The following DLG2 variants were observed in gnomAD, a reference collection of about 807,000 sequenced individuals.
DLG2 encodes discs large MAGUK scaffold protein 2, also known as disks large homolog 2.
Under a neutral mutation model 132.5 loss-of-function variants are expected in DLG2, and 45 were observed. The observed-to-expected ratio is 0.34, with a 90% CI of 0.27 to 0.44. The LOEUF (loss-of-function observed/expected upper bound fraction) is 0.44. DLG2 is among the 20% of genes least tolerant of loss of function. The pLI, the probability that DLG2 is intolerant of heterozygous loss-of-function variation, is 1.00. For synonymous variants in DLG2, 424 were observed against 419.6 expected (o/e 1.01, Z -0.13); for missense variants, 1,045 against 1,196.9 (o/e 0.87, Z 1.87).
chr11:84,679,180 C>T (rs2099722576), intron 6 of DLG2, among the ~76,000 whole-genome samples: 1 of 151,856 alleles, frequency 6.6e-6, no homozygotes, highest in African/African-American at 2.4e-5. Flanking sequence ...AACAATGTGG[C>T]TGTACAAAAA....
intron 9 of DLG2, among the ~76,000 whole-genome samples, chr11:84,121,464 TTA>T (rs2093907682): frequency 6.6e-6 from 1 of 151,930 alleles, no homozygotes; most frequent in African/African-American, 2.4e-5. Flanking sequence ...CTCCTCCTTT[TTA>T]AAAGTCACTG....
chr11:83,781,503 C>T (rs1340276768), intron 18 of DLG2, among the ~76,000 whole-genome samples: 3 of 152,130 alleles, frequency 2.0e-5, no homozygotes, highest in Non-Finnish European at 4.4e-5. Context: ...GCTTTTTGGG[C>T]TTTTCTTTTA....
intron 18 of DLG2, chr11:83,651,668 G>C (rs998617679): frequency 3.3e-6 from 1 of 301,528 alleles, no homozygotes; most frequent in African/African-American, 2.2e-5. Flanking sequence ...AAAACATCCA[G>C]AGCATTCAAT....
intron 18 of DLG2, among the ~76,000 whole-genome samples, chr11:83,768,992 C>T (rs1250136375): frequency 1.3e-5 from 2 of 152,320 alleles, no homozygotes; most frequent in South Asian, 2.1e-4. Flanking sequence ...ATGGGAATAA[C>T]AGTGTTTACA....
intron 3 of DLG2, among the ~76,000 whole-genome samples, chr11:85,462,765 A>G (rs2092658403): frequency 6.6e-6 from 1 of 152,068 alleles, no homozygotes; most frequent in Non-Finnish European, 1.5e-5. Context: ...ACAAACGTGC[A>G]CGTTTTGCTC....
At chr11:85,335,323 C>T (rs538885972) in intron 3 of DLG2, among the ~76,000 whole-genome samples, 22 of 151,806 alleles carry the variant, frequency 1.4e-4, no homozygotes, top group Admixed American at 4.6e-4. Context: ...GCATGTGAGA[C>T]GGGTCTCTTA....
At chr11:84,061,227 T>C (rs574748846) in intron 10 of DLG2, among the ~76,000 whole-genome samples, 9 of 152,308 alleles carry the variant, frequency 5.9e-5, no homozygotes, top group East Asian at 1.9e-4. Flanking sequence ...CATCTGTAAA[T>C]TGGATATAAT....
intron 6 of DLG2, among the ~76,000 whole-genome samples, chr11:84,972,373 G>A (rs2054225884): frequency 6.6e-6 from 1 of 152,188 alleles, no homozygotes; most frequent in East Asian, 1.9e-4. Context: ...TAGAGATCAA[G>A]CAGTTGAGCT....
intron 9 of DLG2, among the ~76,000 whole-genome samples, chr11:84,123,980 G>A (rs1038906827): frequency 9.2e-5 from 14 of 152,128 alleles, no homozygotes; most frequent in Admixed American, 6.5e-5. Flanking sequence ...ATTCATGCAT[G>A]TAAAAATAAA....
intron 3 of DLG2, among the ~76,000 whole-genome samples, chr11:85,322,867 G>A (rs2081175630): frequency 1.3e-5 from 2 of 151,960 alleles, no homozygotes; most frequent in Admixed American, 6.6e-5. Context: ...CTAAATCCAG[G>A]TAACCAACAT....
intron 6 of DLG2, among the ~76,000 whole-genome samples, chr11:84,992,275 T>C (rs938433995): frequency 6.6e-6 from 1 of 152,194 alleles, no homozygotes; most frequent in Non-Finnish European, 1.5e-5. Context: ...GTAATATGCA[T>C]TGGATTGTGT....
intron 15 of DLG2, among the ~76,000 whole-genome samples, chr11:83,920,974 A>G (rs759632131): frequency 1.3e-5 from 2 of 152,154 alleles, no homozygotes; most frequent in Admixed American, 6.6e-5. Flanking sequence ...GCAGAATTCA[A>G]TACTTGAAGA....
chr11:84,132,013 G>C (rs1002569319), intron 9 of DLG2, among the ~76,000 whole-genome samples: 1 of 151,308 alleles, frequency 6.6e-6, no homozygotes, highest in Non-Finnish European at 1.5e-5. Flanking sequence ...AAAAGCACAA[G>C]AGAAAGATAT....
At chr11:84,853,706 T>C (rs575390395) in intron 6 of DLG2, among the ~76,000 whole-genome samples, 8 of 152,094 alleles carry the variant, frequency 5.3e-5, no homozygotes, top group East Asian at 1.9e-4. Flanking sequence ...AACAAGACCA[T>C]TGAAAACCCC....
chr11:83,856,785 C>T (rs985064818), intron 16 of DLG2, among the ~76,000 whole-genome samples: 1 of 152,126 alleles, frequency 6.6e-6, no homozygotes, highest in African/African-American at 2.4e-5. Context: ...GGTCAGTTTA[C>T]TCTGTTGATA....
At chr11:85,472,135 C>T (rs563548224) in intron 3 of DLG2, among the ~76,000 whole-genome samples, 1 of 152,040 alleles carries the variant, frequency 6.6e-6, no homozygotes, top group Non-Finnish European at 1.5e-5. Flanking sequence ...TTCCTTGATG[C>T]CTTTTAGCCA....
chr11:83,989,370 T>C (rs2093569836), intron 11 of DLG2, among the ~76,000 whole-genome samples: 1 of 152,170 alleles, frequency 6.6e-6, no homozygotes, highest in African/African-American at 2.4e-5. Context: ...TAAGTATATC[T>C]ATTATCTAGC....
chr11:83,889,700 G>C (rs1046461245), intron 15 of DLG2, among the ~76,000 whole-genome samples: 1 of 151,964 alleles, frequency 6.6e-6, no homozygotes, highest in African/African-American at 2.4e-5. Context: ...CAAAGACTTG[G>C]AACCAACCCA....
At chr11:85,583,871 C>T (rs1044148617) in intron 3 of DLG2, among the ~76,000 whole-genome samples, 1 of 152,208 alleles carries the variant, frequency 6.6e-6, no homozygotes, top group Admixed American at 6.5e-5. Context: ...ATCTAAGTTG[C>T]GTCACACCAC....
Sources: allele counts gnomAD v4.1 joint callset (sites outside exome capture counted in the v4.1 genomes callset), GRCh38; gene constraint gnomAD v4.1.1; transcripts MANE v1.5; gene names NCBI Gene and HGNC (gene_info 2026-07-23, HGNC 2026-07-21).